The following NWD2 variants were observed in gnomAD, a reference collection of about 807,000 sequenced individuals.
The protein encoded by NWD2 is NACHT and WD repeat domain containing 2.
A neutral mutation model predicts 132.7 loss-of-function variants in NWD2; 37 were observed. The ratio of observed to expected loss-of-function variants is 0.28; its 90% CI spans 0.21 to 0.37. NWD2 has a LOEUF of 0.37. NWD2 is among the 10% of genes least tolerant of loss of function. The pLI, the probability that NWD2 is intolerant of heterozygous loss-of-function variation, is 1.00. For missense variants in NWD2, 1,592 were observed against 2,122.4 expected (o/e 0.75, Z 4.91); for synonymous variants, 705 against 803.0 (o/e 0.88, Z 2.06).
At position 37,314,336 on chromosome 4, in the gene NWD2, T is replaced by A. The variant is rs1264313221; in HGVS notation, c.152-11600T>A. Among the ~76,000 whole-genome samples, 6 of 152,328 alleles carry A rather than the reference T, an allele frequency of 3.9e-5. No individual in the cohort carries two copies. In the East Asian group the frequency reaches 1.2e-3, roughly 29 times the overall value. Reference sequence around the variant, plus strand: ...ACAGAATGAGTTGAGTATTCCCTATTTTCTGAAAGATTTGCAAAGGATTAA... The same window carrying A: ...ACAGAATGAGTTGAGTATTCCCTATATTCTGAAAGATTTGCAAAGGATTAA... On this transcript the variant is annotated intron_variant, in intron 1 of 6. Transcript: ENST00000309447.
At chr4:37,278,266 C>G (rs748408359) in intron 1 of NWD2, among the ~76,000 whole-genome samples, 8 of 152,148 alleles carry the variant, frequency 5.3e-5, no homozygotes, top group African/African-American at 1.9e-4. Context: ...TGCATGTGCT[C>G]TCAGCCATAA....
chr4:37,304,779 A>G (rs1230288124), intron 1 of NWD2, among the ~76,000 whole-genome samples: 1 of 152,164 alleles, frequency 6.6e-6, no homozygotes, highest in East Asian at 1.9e-4. Flanking sequence ...CTCAAGGGCT[A>G]CTGTTGAGTG....
intron 3 of NWD2, among the ~76,000 whole-genome samples, chr4:37,391,967 G>A (rs934760035): frequency 8.5e-5 from 13 of 152,184 alleles, no homozygotes; most frequent in African/African-American, 3.1e-4. Context: ...ACTTTGGGAG[G>A]CGGAGGGTCG....
At chr4:37,252,449 TC>T (rs1279427267) in intron 1 of NWD2, among the ~76,000 whole-genome samples, 3 of 152,258 alleles carry the variant, frequency 2.0e-5, no homozygotes, top group African/African-American at 7.2e-5. Context: ...TGTGAAGGTT[TC>T]TATTTTATTT....
chr4:37,448,597 C>G lies in NWD2; in HGVS notation c.*1380C>G, dbSNP rs538235648. ...GATAACTTTTCAAAAGGTATCCACA[C>G]TTTTGGTTGAGTTTAGTTTTCTTAG... On this transcript the variant is annotated 3_prime_UTR_variant, in exon 7 of 7. Coordinates refer to ENST00000309447, the MANE Select transcript of NWD2 (RefSeq NM_001144990.2). 6.6e-6 allele frequency: 1 copy of G among 152,196 alleles called. No homozygotes were observed. The highest frequency in any genetic ancestry group is 1.5e-5 in the Non-Finnish European group (1 of 68,032). 9.4% of individuals were successfully genotyped at this position (152,196 alleles called of 1,614,324 possible).
At position 37,312,922 on chromosome 4, in the gene NWD2, G is replaced by T. The variant is rs1254183697; in HGVS notation, c.152-13014G>T. On this transcript the variant is annotated intron_variant, in intron 1 of 6. Transcript: ENST00000309447. ...TGTCTTTGGTTCTGTTTATATGCTG[G>T]ATTACATTTATTAATTTGTGTATAT... is the stretch of plus-strand genomic sequence containing the variant. 2.6e-5 allele frequency among the ~76,000 whole-genome samples: 4 copies of T among 151,010 alleles called. 1 individual carries two copies. Among genetic ancestry groups the T allele is most frequent in the African/African-American group, 7.4e-5 (3 of 40,366 alleles).
At chr4:37,354,641 A>G (rs1719834667) in intron 2 of NWD2, among the ~76,000 whole-genome samples, 1 of 152,190 alleles carries the variant, frequency 6.6e-6, no homozygotes, top group Non-Finnish European at 1.5e-5. Context: ...AGGAGGCCAG[A>G]GTAGCATGTG....
chr4:37,329,529 G>A (rs1237149837), intron 2 of NWD2, among the ~76,000 whole-genome samples: 1 of 152,144 alleles, frequency 6.6e-6, no homozygotes, highest in Admixed American at 6.6e-5. Context: ...AAGGAAAAGG[G>A]TCTGAGGTAG....
intron 3 of NWD2, among the ~76,000 whole-genome samples, chr4:37,403,709 A>G (rs562704499): frequency 1.3e-5 from 2 of 152,352 alleles, no homozygotes; most frequent in African/African-American, 2.4e-5. Context: ...TTTCTGCATT[A>G]CATACACTGC....
rs1299698544 is a variant in NWD2 at position 37,335,431 on chromosome 4, T to A, written c.240+9407T>A. Among the ~76,000 whole-genome samples, 4 of 152,232 alleles carry A rather than the reference T, an allele frequency of 2.6e-5. No individual in the cohort carries two copies. In the East Asian group the frequency reaches 5.8e-4, roughly 22 times the overall value. On this transcript the variant is annotated intron_variant, in intron 2 of 6. Transcript: ENST00000309447. ...TTCTAATCTTTACTAGCATGTCTTATTTGTTTTAATTAATTTTTAAATGTC... is the reference window on the plus strand; with the variant it reads ...TTCTAATCTTTACTAGCATGTCTTAATTGTTTTAATTAATTTTTAAATGTC...
intron 3 of NWD2, among the ~76,000 whole-genome samples, chr4:37,416,808 G>A (rs1050001869): frequency 1.3e-5 from 2 of 152,190 alleles, no homozygotes; most frequent in African/African-American, 2.4e-5. Context: ...AGCAACCCGG[G>A]TGGAATTGGA....
chr4:37,310,691 GTTAC>G (rs1718820471), intron 1 of NWD2, among the ~76,000 whole-genome samples: 1 of 151,242 alleles, frequency 6.6e-6, no homozygotes, highest in Non-Finnish European at 1.5e-5. Context: ...GTGCAGGTTA[GTTAC>G]ATATGTATAC....
At chr4:37,373,515 G>T (rs967169326) in intron 3 of NWD2, among the ~76,000 whole-genome samples, 57 of 152,208 alleles carry the variant, frequency 3.7e-4, no homozygotes, top group African/African-American at 1.4e-3. Flanking sequence ...ACTTGGCTTG[G>T]GTATTACTGA....
chr4:37,383,100 T>G (rs1228625416), intron 3 of NWD2, among the ~76,000 whole-genome samples: 2 of 152,208 alleles, frequency 1.3e-5, no homozygotes, highest in East Asian at 3.8e-4. Flanking sequence ...TCCCTCAGAC[T>G]TTGATTATTT....
chr4:37,429,455 C>T (rs1204882906), intron 3 of NWD2, among the ~76,000 whole-genome samples: 1 of 152,142 alleles, frequency 6.6e-6, no homozygotes, highest in African/African-American at 2.4e-5. Flanking sequence ...CCTGAGATTA[C>T]AGTCACATGC....
In NWD2 at chr4:37,414,278, G is replaced by A. The variant is rs75371957; in HGVS notation, c.358-16294G>A. ...AGGATTATCAAAATGTTGATAGTTG[G>A]TAAAGCTGGTAATAGGTATCTGGGG... On this transcript the variant is annotated intron_variant, in intron 3 of 6. Coordinates refer to ENST00000309447, the MANE Select transcript of NWD2 (RefSeq NM_001144990.2). Among the ~76,000 whole-genome samples, 4 of 152,014 alleles carry A rather than the reference G, an allele frequency of 2.6e-5. No individual in the cohort carries two copies. In the East Asian group the frequency reaches 7.7e-4, roughly 29 times the overall value.
At chr4:37,257,145 G>A (rs973403590) in intron 1 of NWD2, among the ~76,000 whole-genome samples, 1 of 152,166 alleles carries the variant, frequency 6.6e-6, no homozygotes, top group Non-Finnish European at 1.5e-5. Flanking sequence ...CAAGGAGAAT[G>A]AGCCATCTTG....
intron 1 of NWD2, among the ~76,000 whole-genome samples, chr4:37,314,847 T>C (rs972438155): frequency 3.3e-5 from 5 of 152,170 alleles, no homozygotes; most frequent in Non-Finnish European, 7.4e-5. Flanking sequence ...TTTCTTAAGG[T>C]GGAATTTTGA....
chr4:37,245,653 C>T (rs1413427413), intron 1 of NWD2, among the ~76,000 whole-genome samples: 1 of 152,040 alleles, frequency 6.6e-6, no homozygotes, highest in Admixed American at 6.6e-5. Context: ...ACCTCCTTGG[C>T]CACTTTTTCC....
Sources: gnomAD v4.1 joint callset for allele counts (sites outside exome capture counted in the v4.1 genomes callset) on GRCh38, gnomAD v4.1.1 for gene constraint, MANE v1.5 for transcripts, NCBI Gene and HGNC (gene_info 2026-07-23, HGNC 2026-07-21) for gene names.